The following FSTL5 variants were observed in gnomAD, a reference collection of about 807,000 sequenced individuals.
FSTL5 encodes follistatin like 5, also known as follistatin-related protein 5.
Under a neutral mutation model 89.1 loss-of-function variants are expected in FSTL5, and 62 were observed. The ratio of observed to expected loss-of-function variants is 0.70; its 90% CI spans 0.57 to 0.86. FSTL5 has a LOEUF of 0.86. Among genes scored for constraint, FSTL5 ranks in the 40% least tolerant of loss-of-function variants. FSTL5 has a pLI of 0.00. For synonymous variants in FSTL5, 383 were observed against 346.2 expected, an observed-to-expected ratio of 1.11 and a Z score of -1.18; for missense variants, 1,057 against 1,001.6, an observed-to-expected ratio of 1.06 and a Z score of -0.75.
At chr4:161,588,861 A>T (rs1425755330) in intron 7 of FSTL5, among the ~76,000 whole-genome samples, 1 of 152,076 alleles carries the variant, frequency 6.6e-6, no homozygotes, top group Non-Finnish European at 1.5e-5. Context: ...AGCTCCTCCA[A>T]GACCTTATCC....
intron 15 of FSTL5, among the ~76,000 whole-genome samples, chr4:161,394,742 T>C (rs1041668686): frequency 7.9e-5 from 12 of 152,216 alleles, no homozygotes; most frequent in Non-Finnish European, 1.6e-4. Flanking sequence ...TAGGTTGTAA[T>C]ATATGTTTAG....
chr4:161,758,101 T>A (rs1024529051), intron 6 of FSTL5, among the ~76,000 whole-genome samples: 6 of 152,182 alleles, frequency 3.9e-5, no homozygotes, highest in Non-Finnish European at 7.4e-5. Context: ...AAGCTACAAC[T>A]TTTTTCATAT....
intron 4 of FSTL5, among the ~76,000 whole-genome samples, chr4:161,877,536 C>G (rs1469260742): frequency 6.6e-6 from 1 of 151,136 alleles, no homozygotes; most frequent in African/African-American, 2.4e-5. Flanking sequence ...TTTTGACATA[C>G]AACTTATTAA....
At chr4:162,025,642 T>C (rs907392936) in intron 3 of FSTL5, among the ~76,000 whole-genome samples, 2 of 152,084 alleles carry the variant, frequency 1.3e-5, no homozygotes. Context: ...TAAATTTTAG[T>C]AGAATGATAT....
intron 15 of FSTL5, among the ~76,000 whole-genome samples, chr4:161,415,096 T>A (rs544267816): frequency 6.6e-6 from 1 of 152,170 alleles, no homozygotes; most frequent in African/African-American, 2.4e-5. Flanking sequence ...AGAAAATACA[T>A]TAAAATTACA....
intron 10 of FSTL5, among the ~76,000 whole-genome samples, chr4:161,520,933 T>C (rs1730999982): frequency 6.6e-6 from 1 of 152,248 alleles, no homozygotes; most frequent in African/African-American, 2.4e-5. Context: ...TTGGAATATT[T>C]GGCACTGGCC....
At chr4:161,418,989 G>C (rs1003638756) in intron 15 of FSTL5, among the ~76,000 whole-genome samples, 1 of 152,178 alleles carries the variant, frequency 6.6e-6, no homozygotes, top group Non-Finnish European at 1.5e-5. Flanking sequence ...CTCTAACACA[G>C]AGCTTTAATA....
In FSTL5 at chr4:161,816,017, A is replaced by T. The variant is rs368507671; in HGVS notation, c.410-39943T>A. Among the ~76,000 whole-genome samples the T allele has an allele frequency of 5.2e-4, 79 of 152,354 alleles. 3 individuals carry two copies. In the South Asian group the frequency reaches 0.015, roughly 30 times the overall value. ...AGCAGCTTGTATGGAACACACAGTT[A>T]ACTACACAGAACATTAGAAAATTGG... On this transcript the variant is annotated intron_variant, in intron 4 of 15. Transcript: ENST00000306100.
At position 161,584,173 on chromosome 4, in the gene FSTL5, A is replaced by G. The variant is rs1246964630; in HGVS notation, c.1015+3282T>C. 3.3e-5 allele frequency among the ~76,000 whole-genome samples: 5 copies of G among 152,196 alleles called. No homozygotes were observed. The East Asian group carries it at 9.6e-4, about 29-fold the overall frequency. On this transcript the variant is annotated intron_variant, in intron 8 of 15. Coordinates refer to ENST00000306100, the MANE Select transcript of FSTL5 (RefSeq NM_020116.5). ...TCCTGCATTGCAAGATAATTATTCG[A>G]CATGTCTTCCCCTCCTCAAACCACT...
chr4:162,075,076 G>C (rs1308982431), intron 2 of FSTL5, among the ~76,000 whole-genome samples: 5 of 151,720 alleles, frequency 3.3e-5, no homozygotes, highest in African/African-American at 1.2e-4. Context: ...TGTGCCATAG[G>C]AAAACCCAGG....
At chr4:161,811,656 A>G (rs1227888744) in intron 4 of FSTL5, among the ~76,000 whole-genome samples, 5 of 152,204 alleles carry the variant, frequency 3.3e-5, no homozygotes, top group Non-Finnish European at 7.3e-5. Flanking sequence ...CTTGAAAAAA[A>G]TAAAAAATAT....
Position 161,528,688 on chromosome 4 carries a change from TG to T in FSTL5, c.1312+9477del, listed in dbSNP as rs1731313582. On this transcript the variant is annotated intron_variant, in intron 10 of 15. Transcript: ENST00000306100. Reference sequence around the variant, plus strand: ...TTATGCCATTATCTGACCGAATTCCTGCAACAGAGAACACTAAGAGAATCAT... The same window carrying T: ...TTATGCCATTATCTGACCGAATTCCTCAACAGAGAACACTAAGAGAATCAT... Among the ~76,000 whole-genome samples the T allele has an allele frequency of 1.4e-5, 2 of 143,508 alleles. 1 individual carries two copies. Among genetic ancestry groups the T allele is most frequent in the East Asian group, 4.8e-4 (2 of 4,180 alleles). 94.1% of individuals were successfully genotyped at this position (143,508 alleles called of 152,430 possible). A position where few individuals can be genotyped will look rare whatever the true frequency, so the allele number is the denominator to read the frequency against.
chr4:161,933,379 A>G (rs1023355249), intron 3 of FSTL5, among the ~76,000 whole-genome samples: 2 of 152,224 alleles, frequency 1.3e-5, no homozygotes, highest in Middle Eastern at 3.4e-3. Flanking sequence ...TCTCTACAGA[A>G]AAATAATCAC....
At chr4:162,144,581 C>T (rs1732896628) in intron 1 of FSTL5, among the ~76,000 whole-genome samples, 1 of 152,058 alleles carries the variant, frequency 6.6e-6, no homozygotes, top group African/African-American at 2.4e-5. Context: ...TGCATGATGA[C>T]ACCAAATACA....
At chr4:161,813,949 G>A (rs1026095619) in intron 4 of FSTL5, among the ~76,000 whole-genome samples, 21 of 151,820 alleles carry the variant, frequency 1.4e-4, no homozygotes, top group Admixed American at 1.4e-3. Flanking sequence ...TAATCAATAA[G>A]GAAATGTGTT....
rs142065579 is a variant in FSTL5, at chr4:161,920,164, T to A, written c.409+240A>T. On this transcript the variant is annotated intron_variant, in intron 4 of 15. Transcript: ENST00000306100. ...ATGATTGGGAAGCCATATGGTGCAA[T>A]GCTGAAAGCTATATTAAATTTTGAG... Among the ~76,000 whole-genome samples the A allele has an allele frequency of 3.2e-3, 494 of 152,326 alleles. 4 individuals are homozygous for A. Among genetic ancestry groups the A allele is most frequent in the African/African-American group, 0.012 (481 of 41,578 alleles).
intron 2 of FSTL5, among the ~76,000 whole-genome samples, chr4:162,051,862 A>C (rs1237150569): frequency 6.6e-6 from 1 of 151,696 alleles, no homozygotes; most frequent in Non-Finnish European, 1.5e-5. Context: ...AATTATCATG[A>C]AACAAGAAAG....
chr4:161,661,443 T>C (rs1736707356), intron 6 of FSTL5, among the ~76,000 whole-genome samples: 1 of 152,008 alleles, frequency 6.6e-6, no homozygotes, highest in African/African-American at 2.4e-5. Context: ...AAATTGCTAA[T>C]TAAATGCAGA....
intron 7 of FSTL5, among the ~76,000 whole-genome samples, chr4:161,600,591 G>A (rs1734196710): frequency 6.6e-6 from 1 of 152,070 alleles, no homozygotes; most frequent in African/African-American, 2.4e-5. Flanking sequence ...GAATATCCCA[G>A]TTTCTTGTTT....
Sources: allele counts gnomAD v4.1 joint callset (sites outside exome capture counted in the v4.1 genomes callset), GRCh38; gene constraint gnomAD v4.1.1; transcripts MANE v1.5; gene names NCBI Gene and HGNC (gene_info 2026-07-23, HGNC 2026-07-21).